AMPH: variants seen among roughly 807,000 people sequenced by gnomAD.
AMPH encodes the protein amphiphysin (Stiff-Mann syndrome with breast cancer 128kD autoantigen).
A neutral mutation model predicts 99.1 loss-of-function variants in AMPH; 49 were observed. That is an observed-to-expected ratio of 0.49 (90% CI 0.39 to 0.63). The LOEUF is 0.63. Ranked by LOEUF, AMPH falls within the 20% of genes least tolerant of loss-of-function variation. The pLI is 0.00. For missense variants in AMPH, 759 were observed against 863.4 expected, an observed-to-expected ratio of 0.88 and a Z score of 1.52; for synonymous variants, 314 against 317.3, an observed-to-expected ratio of 0.99 and a Z score of 0.11.
chr7:38,631,199 G>A lies in AMPH; in HGVS notation c.69+84C>T, dbSNP rs1183168031. On this transcript the variant is annotated intron_variant, in intron 1 of 20. Coordinates refer to ENST00000356264, the MANE Select transcript of AMPH (RefSeq NM_001635.4). Reference sequence around the variant, plus strand: ...GCAGCGCGCCGCACCCCGAGGCTCGGGCCCCGCACAGCTGCAGCCGGTGCC... The same window carrying A: ...GCAGCGCGCCGCACCCCGAGGCTCGAGCCCCGCACAGCTGCAGCCGGTGCC... 8 of 1,286,182 alleles carry A rather than the reference G, an allele frequency of 6.2e-6. No individual in the cohort carries two copies. The East Asian group carries it at 2.7e-4, about 44-fold the overall frequency. 79.7% of individuals were successfully genotyped at this position (1,286,182 alleles called of 1,614,324 possible).
At chr7:38,394,350 G>A in intron 17 of AMPH, 136 bp from the exon 18 acceptor site, 3 of 891,098 alleles carry the variant, frequency 3.4e-6, no homozygotes, top group Non-Finnish European at 3.4e-6. Context: ...CCAGGATTTA[G>A]GTACAGCAGA....
intron 17 of AMPH, among the ~76,000 whole-genome samples, chr7:38,396,424 C>T (rs1784670742): frequency 6.6e-6 from 1 of 152,170 alleles, no homozygotes; most frequent in Non-Finnish European, 1.5e-5. Context: ...TGAGGCCTCC[C>T]CAGCTATGTG....
At chr7:38,473,433 G>A (rs1787957445) in intron 7 of AMPH, among the ~76,000 whole-genome samples, 1 of 66,190 alleles carries the variant, frequency 1.5e-5, no homozygotes, top group Non-Finnish European at 2.8e-5. Context: ...GGCCGGGCGC[G>A]GTGGCTCACG....
chr7:38,396,231 G>A (rs752221040), intron 17 of AMPH, among the ~76,000 whole-genome samples: 4 of 152,150 alleles, frequency 2.6e-5, no homozygotes, highest in Non-Finnish European at 5.9e-5. Context: ...TTGTGGGAGG[G>A]ACTTGGTGGG....
At chr7:38,442,880 G>A (rs1786608630) in intron 11 of AMPH, among the ~76,000 whole-genome samples, 1 of 149,870 alleles carries the variant, frequency 6.7e-6, no homozygotes, top group Non-Finnish European at 1.5e-5. Context: ...GAAAACAAAA[G>A]ACAGAGTGAG....
At chr7:38,450,456 C>T (rs914470364) in intron 11 of AMPH, among the ~76,000 whole-genome samples, 1 of 151,894 alleles carries the variant, frequency 6.6e-6, no homozygotes, top group Admixed American at 6.6e-5. Context: ...CAGAAGGGAC[C>T]AGCTGCAGCT....
At chr7:38,392,377 C>CTTTTTTT (rs574057389) in intron 18 of AMPH, among the ~76,000 whole-genome samples, 553 of 42,048 alleles carry the variant, frequency 0.013, 74 homozygotes, top group East Asian at 0.03. Flanking sequence ...CGGCCTGGTT[C>CTTTTTTT]TTTTTTTTTT....
intron 7 of AMPH, 128 bp downstream of exon 7, chr7:38,475,203 G>A (rs41279582): frequency 0.028 from 17,234 of 622,842 alleles, 314 homozygotes; most frequent in Admixed American, 0.058. Flanking sequence ...ACTGGAAAGC[G>A]CAGATAAAGA....
chr7:38,617,977 ATTACT>A (rs758296850), intron 1 of AMPH, among the ~76,000 whole-genome samples: 6 of 152,188 alleles, frequency 3.9e-5, no homozygotes, highest in African/African-American at 7.2e-5. Context: ...AGTTCCTTAT[ATTACT>A]TTACTTTATG....
intron 1 of AMPH, among the ~76,000 whole-genome samples, chr7:38,578,276 T>G (rs1364958007): frequency 6.6e-6 from 1 of 152,188 alleles, no homozygotes; most frequent in Non-Finnish European, 1.5e-5. Flanking sequence ...AAACAGCAGG[T>G]GCTAAAACCT....
chr7:38,406,775 TCGTG>T (rs1785020848), intron 17 of AMPH, among the ~76,000 whole-genome samples: 1 of 134,032 alleles, frequency 7.5e-6, no homozygotes, highest in African/African-American at 2.9e-5. Flanking sequence ...TCTCTCTCTC[TCGTG>T]CTGGATGCCT....
chr7:38,455,094 C>T (rs77530219), intron 11 of AMPH, among the ~76,000 whole-genome samples: 14,629 of 146,946 alleles, frequency 0.1, 932 homozygotes, highest in Middle Eastern at 0.21. Flanking sequence ...TTTTTTTTTT[C>T]CTGAGATGGA....
In AMPH at chr7:38,436,277, A is replaced by G; in HGVS notation, c.1129T>C (p.Ser377Pro). 2 of 1,613,448 alleles carry G rather than the reference A, an allele frequency of 1.2e-6. No individual in the cohort carries two copies. The highest frequency in any genetic ancestry group is 1.7e-6 in the Non-Finnish European group (2 of 1,179,352). ...GSAGVTHSPMSQTLPWDLWTT... is the reference protein window; with the variant it reads ...GSAGVTHSPMPQTLPWDLWTT... ...ATCCAAAAAGCACCTGATACCTGAGACATGGGTGAGTGGGTCACTCCAGCA... is the reference window on the plus strand; with the variant it reads ...ATCCAAAAAGCACCTGATACCTGAGGCATGGGTGAGTGGGTCACTCCAGCA... Residue 377 changes from serine (S) to proline (P), a missense_variant, in exon 12 of 21, where the codon TCT becomes CCT. By Grantham distance (74) the Ser-to-Pro change is moderately conservative (BLOSUM62 -1). Transcript: ENST00000356264.
At chr7:38,543,595 C>G (rs1790889878) in intron 1 of AMPH, among the ~76,000 whole-genome samples, 1 of 152,114 alleles carries the variant, frequency 6.6e-6, no homozygotes, top group Admixed American at 6.5e-5. Context: ...TCCTGATAAT[C>G]TTGTGAGTTA....
At chr7:38,456,045 T>C (rs886102202) in intron 11 of AMPH, among the ~76,000 whole-genome samples, 1 of 152,174 alleles carries the variant, frequency 6.6e-6, no homozygotes, top group African/African-American at 2.4e-5. Flanking sequence ...CCTTCCCCAG[T>C]TGCAGTGGGT....
intron 3 of AMPH, among the ~76,000 whole-genome samples, chr7:38,498,206 A>G (rs375803956): frequency 4.6e-5 from 7 of 152,202 alleles, no homozygotes; most frequent in Admixed American, 3.3e-4. Flanking sequence ...CACCAATTCC[A>G]CCTGATTCTT....
intron 11 of AMPH, among the ~76,000 whole-genome samples, chr7:38,437,625 CA>C (rs70977404): frequency 0.33 from 31,138 of 94,876 alleles, 5,319 homozygotes; most frequent in Non-Finnish European, 0.41. Flanking sequence ...ACTAAAAATA[CA>C]AAAAAAAAAA....
At chr7:38,394,316 A>C (rs921804890) in intron 17 of AMPH, 102 bp from the exon 18 acceptor site, 9 of 1,245,668 alleles carry the variant, frequency 7.2e-6, no homozygotes, top group Non-Finnish European at 1.0e-5. Flanking sequence ...GAGGCTATTC[A>C]GATTTGGAAC....
intron 3 of AMPH, 73 bp downstream of exon 3, chr7:38,503,577 C>A: frequency 2.0e-6 from 3 of 1,492,160 alleles, no homozygotes; most frequent in South Asian, 2.3e-5. Flanking sequence ...AATTAACACT[C>A]AATCCTGTCA....
Sources: gnomAD v4.1 joint callset for allele counts (sites outside exome capture counted in the v4.1 genomes callset) on GRCh38, gnomAD v4.1.1 for gene constraint, MANE v1.5 for transcripts, NCBI Gene and HGNC (gene_info 2026-07-23, HGNC 2026-07-21) for gene names.